Variants in PPFIBP2 observed in about 807,000 individuals in gnomAD.
PPFIBP2 encodes liprin-beta-2.
A neutral mutation model predicts 118.3 loss-of-function variants in PPFIBP2; 118 were observed. The observed-to-expected ratio is 1.00, with a 90% confidence interval of 0.86 to 1.16. The LOEUF is 1.16. Ranked by LOEUF, PPFIBP2 falls within the 50% of genes most tolerant of loss-of-function variation. PPFIBP2 has a pLI of 0.00. For synonymous variants in PPFIBP2, 414 were observed against 397.4 expected, an observed-to-expected ratio of 1.04 and a Z score of -0.50; for missense variants, 1,195 against 1,073.1, an observed-to-expected ratio of 1.11 and a Z score of -1.59.
At chr11:7,532,605 A>G (rs1252590038) in intron 1 of PPFIBP2, among the ~76,000 whole-genome samples, 1 of 152,216 alleles carries the variant, frequency 6.6e-6, no homozygotes, top group Non-Finnish European at 1.5e-5. Context: ...GTTTCTGTGC[A>G]GTGTCTTCAT....
the PPFIBP2 span, chr11:7,665,997 CTG>C: frequency 7.9e-7 from 1 of 1,262,386 alleles, no homozygotes; most frequent in Non-Finnish European, 1.1e-6. Flanking sequence ...GTGGGGTGCT[CTG>C]TGCACAGTGG....
At chr11:7,649,099 C>T (rs756151444) in intron 19 of PPFIBP2, 48 bp from the exon 20 acceptor site, 13 of 1,557,658 alleles carry the variant, frequency 8.3e-6, no homozygotes, top group Non-Finnish European at 1.1e-5. Flanking sequence ...TGTCTACATT[C>T]TCTCATTCTC....
At chr11:7,540,497 A>G (rs1259641622) in intron 1 of PPFIBP2, among the ~76,000 whole-genome samples, 1 of 152,152 alleles carries the variant, frequency 6.6e-6, no homozygotes, top group African/African-American at 2.4e-5. Context: ...TTTGGGTCCC[A>G]CCCATTGTGA....
intron 3 of PPFIBP2, among the ~76,000 whole-genome samples, chr11:7,590,706 C>T (rs1265280393): frequency 6.6e-6 from 1 of 152,232 alleles, no homozygotes; most frequent in East Asian, 1.9e-4. Flanking sequence ...GTATTTACAG[C>T]ACTGTGCCTG....
chr11:7,549,525 AC>A lies in PPFIBP2; in HGVS notation c.51del (p.Asp17GlufsTer29). 6.4e-7 allele frequency: 1 copy of A among 1,563,448 alleles called. No homozygotes were observed. The highest frequency in any genetic ancestry group is 1.9e-5 in the Admixed American group (1 of 53,228). ...HALEAALEQM[D>X]GIIAGTKTGA... ...CTGGAAGCTGCCCTGGAGCAAATGGACGGGATCATTGCAGGTACGCCCAGGG... is the reference window on the plus strand; with the variant it reads ...CTGGAAGCTGCCCTGGAGCAAATGGAGGGATCATTGCAGGTACGCCCAGGG... On this transcript the variant is annotated frameshift_variant, in exon 2 of 24. Coordinates refer to ENST00000299492, the MANE Select transcript of PPFIBP2 (RefSeq NM_003621.5). LOFTEE classifies it high-confidence loss of function.
At chr11:7,600,010 G>T (rs1590485955) in intron 5 of PPFIBP2, among the ~76,000 whole-genome samples, 1 of 151,990 alleles carries the variant, frequency 6.6e-6, no homozygotes, top group East Asian at 1.9e-4. Flanking sequence ...TTGGTATTGG[G>T]CGTGTGGTAC....
intron 3 of PPFIBP2, among the ~76,000 whole-genome samples, chr11:7,581,937 A>G (rs1237076334): frequency 1.3e-5 from 2 of 152,180 alleles, no homozygotes; most frequent in Admixed American, 1.3e-4. Flanking sequence ...CCTAGCTTCA[A>G]GCGATTCTCC....
chr11:7,567,995 A>G (rs746712755), intron 3 of PPFIBP2, among the ~76,000 whole-genome samples: 2 of 152,262 alleles, frequency 1.3e-5, no homozygotes, highest in East Asian at 3.9e-4. Flanking sequence ...AACTAGTAAG[A>G]TGGTTTGAAG....
chr11:7,648,957 A>G, intron 19 of PPFIBP2, 46 bp downstream of exon 19: 1 of 1,529,128 alleles, frequency 6.5e-7, no homozygotes, highest in South Asian at 1.1e-5. Flanking sequence ...GGCAGCAACT[A>G]AGAGTAGAAA....
chr11:7,616,467 G>A lies in PPFIBP2; in HGVS notation c.619-4468G>A, dbSNP rs551515518. On this transcript the variant is annotated intron_variant, in intron 6 of 23. Coordinates refer to ENST00000299492, the MANE Select transcript of PPFIBP2 (RefSeq NM_003621.5). This position sits in a 1 kb window ranked among gnomAD's most constrained non-coding sequence, Gnocchi z 5.2. The stretch of plus-strand genomic sequence containing the variant: ...TCCGTGTCCTCAAGGAGTGAGTCTC[G>A]TCAGATTGGCCTTATCGGTTTGGCC... Among the ~76,000 whole-genome samples the A allele has an allele frequency of 2.0e-5, 3 of 152,308 alleles. No individual in the cohort carries two copies. The South Asian group carries it at 6.2e-4, about 32-fold the overall frequency.
At chr11:7,593,016 A>T (rs1859622716) in intron 3 of PPFIBP2, 116 bp from the exon 4 acceptor site, 1 of 1,403,324 alleles carries the variant, frequency 7.1e-7, no homozygotes, top group Non-Finnish European at 9.5e-7. Flanking sequence ...TTGGTTTTGT[A>T]CATATAATCA....
At chr11:7,564,733 C>T (rs1854756306) in intron 2 of PPFIBP2, among the ~76,000 whole-genome samples, 1 of 152,180 alleles carries the variant, frequency 6.6e-6, no homozygotes, top group African/African-American at 2.4e-5. Flanking sequence ...TGTCTGTCAC[C>T]ACAGCTGGGA....
chr11:7,664,004 G>C, the PPFIBP2 span, among the ~76,000 whole-genome samples: 3 of 151,786 alleles, frequency 2.0e-5, no homozygotes, highest in African/African-American at 7.3e-5. Flanking sequence ...CCCTGCTTCG[G>C]CTCGCACACG....
the PPFIBP2 span, among the ~76,000 whole-genome samples, chr11:7,662,664 C>T: frequency 1.2e-3 from 169 of 145,970 alleles, 11 homozygotes; most frequent in South Asian, 0.039. Flanking sequence ...TTCTGGCGTT[C>T]TCTGTATTTC....
chr11:7,635,588 C>A lies in PPFIBP2; in HGVS notation c.1231C>A (p.Pro411Thr), dbSNP rs771999545. The change falls in exon 14 of 24, where the codon CCC (proline) becomes ACC (threonine). Residue 411 changes from proline to threonine, a missense_variant. Coordinates refer to ENST00000299492, the MANE Select transcript of PPFIBP2 (RefSeq NM_003621.5). ...DGNQPFPVLE[P>T]KDSPFLAEHK... Reference sequence around the variant, plus strand: ...GAACCAGCCCTTCCCGGTGTTAGAACCCAAGGTACATTGACTTCGTGCCCC... The same window carrying A: ...GAACCAGCCCTTCCCGGTGTTAGAAACCAAGGTACATTGACTTCGTGCCCC... The A allele has an allele frequency of 1.9e-6, 3 of 1,608,600 alleles. No homozygotes were observed. Among genetic ancestry groups the A allele is most frequent in the Non-Finnish European group, 2.6e-6 (3 of 1,174,922 alleles).
At chr11:7,570,755 T>C (rs958580869) in intron 3 of PPFIBP2, among the ~76,000 whole-genome samples, 3 of 151,984 alleles carry the variant, frequency 2.0e-5, no homozygotes, top group African/African-American at 7.3e-5. Context: ...GTATGGAAGG[T>C]AGGAAGGAGT....
At chr11:7,585,905 G>C (rs1590381162) in intron 3 of PPFIBP2, among the ~76,000 whole-genome samples, 1 of 152,226 alleles carries the variant, frequency 6.6e-6, no homozygotes, top group African/African-American at 2.4e-5. Flanking sequence ...GTTATTACTA[G>C]CTATAAAAAT....
intron 3 of PPFIBP2, among the ~76,000 whole-genome samples, chr11:7,567,756 A>T (rs1855168204): frequency 6.6e-6 from 1 of 152,200 alleles, no homozygotes; most frequent in Admixed American, 6.5e-5. Flanking sequence ...TTAGATTGAC[A>T]CTTTTAGTTA....
At chr11:7,627,741 G>A (rs189837268) in intron 8 of PPFIBP2, among the ~76,000 whole-genome samples, 3 of 152,292 alleles carry the variant, frequency 2.0e-5, no homozygotes, top group African/African-American at 4.8e-5. Flanking sequence ...TTGCATATAT[G>A]TATATATCCC....
Sources: allele counts gnomAD v4.1 joint callset (sites outside exome capture counted in the v4.1 genomes callset), GRCh38; gene constraint gnomAD v4.1.1; non-coding constraint Gnocchi (gnomAD v3.1); transcripts MANE v1.5; gene names NCBI Gene and HGNC (gene_info 2026-07-23, HGNC 2026-07-21).